The following ANAPC4 variants were observed in gnomAD, a reference collection of about 807,000 sequenced individuals.
The protein encoded by ANAPC4 is anaphase-promoting complex subunit 4.
In ANAPC4, 63 loss-of-function variants were observed where a neutral mutation model predicts 119.8. The ratio of observed to expected loss-of-function variants is 0.53; its 90% confidence interval spans 0.43 to 0.65. The LOEUF (loss-of-function observed/expected upper bound fraction) is 0.65. ANAPC4 is among the 30% of genes least tolerant of loss of function. ANAPC4 has a pLI of 0.00. For missense variants in ANAPC4, 716 were observed against 945.1 expected, an observed-to-expected ratio of 0.76 and a Z score of 3.18; for synonymous variants, 283 against 318.6, an observed-to-expected ratio of 0.89 and a Z score of 1.19.
intron 27 of ANAPC4, 84 bp from the exon 28 acceptor site, chr4:25,417,532 A>G (rs184157063): frequency 7.4e-7 from 1 of 1,358,804 alleles, no homozygotes; most frequent in Non-Finnish European, 9.7e-7. Flanking sequence ...TCAAAACCAT[A>G]ATTGACCCTA....
At chr4:25,383,224 T>TA in intron 3 of ANAPC4, 37 bp from the exon 4 acceptor site, 1 of 1,530,570 alleles carries the variant, frequency 6.5e-7, no homozygotes, top group Middle Eastern at 1.7e-4. Flanking sequence ...TCTCAATTGT[T>TA]ACACTAATTT....
chr4:25,394,232 T>C (rs1429030781), intron 11 of ANAPC4, 78 bp from the exon 12 acceptor site: 2 of 1,175,088 alleles, frequency 1.7e-6, no homozygotes, highest in East Asian at 2.6e-5. Context: ...AAGGGAGTCA[T>C]GCTCCTATAA....
In ANAPC4 at chr4:25,406,862, T is replaced by C; in HGVS notation, c.1351T>C (p.Phe451Leu). 1.9e-6 allele frequency: 3 copies of C among 1,604,264 alleles called. No individual in the cohort carries two copies. Among genetic ancestry groups the C allele is most frequent in the Non-Finnish European group, 2.6e-6 (3 of 1,176,388 alleles). ...GAAAGATATCACATTTGTTGCTGAA[T>C]TTCTTACTGAACATTTCAATGAGGT... Reference protein sequence around the residue: ...TQKDITFVAEFLTEHFNEAPD... With the variant: ...TQKDITFVAELLTEHFNEAPD... Residue 451 changes from phenylalanine to leucine, a missense_variant, in exon 19 of 29, where the codon TTT becomes CTT. Phe to Leu is a conservative substitution (Grantham distance 22). This residue lies in a region of ANAPC4 where 504 missense variants were observed against 615.8 expected (regional missense o/e 0.82). Coordinates refer to ENST00000315368, the MANE Select transcript of ANAPC4 (RefSeq NM_013367.3).
intron 20 of ANAPC4, among the ~76,000 whole-genome samples, 187 bp downstream of exon 20, chr4:25,407,440 A>G (rs1229535939): frequency 6.6e-6 from 1 of 152,142 alleles, no homozygotes. Flanking sequence ...ATTGAGGACT[A>G]AAAATACAAA....
Position 25,406,930 on chromosome 4 carries a change from A to G in ANAPC4, c.1374+45A>G, listed in dbSNP as rs774177565. 4 of 1,395,916 alleles carry G rather than the reference A, an allele frequency of 2.9e-6. No homozygotes were observed. The South Asian group carries it at 3.8e-5, about 13-fold the overall frequency. The allele number at this position is 1,395,916 out of a possible 1,614,324, so 86.5% of individuals were successfully genotyped here. A position where few individuals can be genotyped will look rare whatever the true frequency, so the allele number is the denominator to read the frequency against. ...GTAATGCAGTTTAAAAAAAAATTAC[A>G]GTAAACCTGGATAATGACAAGACAT... is the stretch of plus-strand genomic sequence containing the variant. On this transcript the variant is annotated intron_variant, in intron 19 of 28. Coordinates refer to ENST00000315368, the MANE Select transcript of ANAPC4 (RefSeq NM_013367.3).
intron 4 of ANAPC4, among the ~76,000 whole-genome samples, chr4:25,383,695 A>C (rs1316249282): frequency 2.0e-5 from 3 of 152,234 alleles, no homozygotes; most frequent in African/African-American, 7.2e-5. Flanking sequence ...AGTTATGTTT[A>C]TATTATGCTA....
At chr4:25,414,264 G>A in intron 22 of ANAPC4, 60 bp from the exon 23 acceptor site, 1 of 1,205,848 alleles carries the variant, frequency 8.3e-7, no homozygotes, top group Non-Finnish European at 1.2e-6. Context: ...GTCACTTTCT[G>A]TAGAGTATCT....
At position 25,405,841 on chromosome 4, in the gene ANAPC4, T is replaced by C. The variant is rs1723222921; in HGVS notation, c.1317+222T>C. ...TTATGACTATCTAAATTTATAGTTT[T>C]CATGTTTGGATAAGGTTTTATAATA... is the stretch of plus-strand genomic sequence containing the variant. On this transcript the variant is annotated intron_variant, in intron 18 of 28. Coordinates refer to ENST00000315368, the MANE Select transcript of ANAPC4 (RefSeq NM_013367.3). The surrounding 1 kb of genome is among the most constrained non-coding windows in gnomAD (Gnocchi z 4.6). Among the ~76,000 whole-genome samples, 1 of 152,242 alleles carries C rather than the reference T, an allele frequency of 6.6e-6. No individual in the cohort carries two copies. The highest frequency in any genetic ancestry group is 6.5e-5 in the Admixed American group (1 of 15,284).
chr4:25,390,426 GT>G (rs768016403), intron 8 of ANAPC4, among the ~76,000 whole-genome samples: 6 of 151,272 alleles, frequency 4.0e-5, no homozygotes, highest in African/African-American at 4.9e-5. Context: ...AATTAGTCAA[GT>G]TTTTTTTTCT....
chr4:25,418,312 C>T lies in ANAPC4; in HGVS notation c.2357C>T (p.Ala786Val), dbSNP rs1346462953. ...GAGTCAGAGGCAGAGAACCAACAAG[C>T]TGGTGCTGCCGCTTTAGCTCCAGAG... ...LSESEAENQQ[A>V]GAAALAPEIV... The change falls in exon 29 of 29, where the codon GCT becomes GTT. Residue 786 changes from alanine (A) to valine (V), a missense_variant. Physicochemically the swap from Ala to Val is moderately conservative, Grantham distance 64. Transcript: ENST00000315368. 31 of 1,613,986 alleles carry T rather than the reference C, an allele frequency of 1.9e-5. No individual in the cohort carries two copies. Among genetic ancestry groups the T allele is most frequent in the Non-Finnish European group, 2.6e-5 (31 of 1,179,936 alleles).
chr4:25,399,860 G>A (rs978106357), intron 16 of ANAPC4, among the ~76,000 whole-genome samples: 8 of 152,184 alleles, frequency 5.3e-5, no homozygotes, highest in East Asian at 1.9e-4. Context: ...GAATGGGGAC[G>A]ATGAAGAACT....
chr4:25,414,269 GTATC>G, intron 22 of ANAPC4, 51 bp from the exon 23 acceptor site: 1 of 1,244,032 alleles, frequency 8.0e-7, no homozygotes, highest in South Asian at 1.5e-5. Context: ...TTTCTGTAGA[GTATC>G]TGTGTGCATA....
intron 4 of ANAPC4, among the ~76,000 whole-genome samples, chr4:25,386,287 A>G (rs981065833): frequency 2.6e-5 from 4 of 152,008 alleles, no homozygotes; most frequent in African/African-American, 9.7e-5. Context: ...ATTTCAGCTC[A>G]CTGTAGCCTC....
chr4:25,390,192 G>A lies in ANAPC4; in HGVS notation c.572G>A (p.Gly191Glu). 1 of 1,612,860 alleles carries A rather than the reference G, an allele frequency of 6.2e-7. No individual in the cohort carries two copies. Among genetic ancestry groups the A allele is most frequent in the Non-Finnish European group, 8.5e-7 (1 of 1,179,410 alleles). ...SSGFIELYAY[G>E]MFKIARVTGI... ...GGATTTATTGAGCTTTATGCTTATG[G>A]AATGTTTAAAATTGCTCGAGTCACA... The change falls in exon 8 of 29, where the codon GGA becomes GAA. Residue 191 changes from glycine (G) to glutamate (E), a missense_variant. Physicochemically the swap from Gly to Glu is moderately conservative, Grantham distance 98. Transcript: ENST00000315368.
chr4:25,406,604 A>T (rs893416994), intron 18 of ANAPC4, among the ~76,000 whole-genome samples: 27 of 152,222 alleles, frequency 1.8e-4, no homozygotes, highest in African/African-American at 6.5e-4. Flanking sequence ...TAGCTATTGG[A>T]TTAACTGATT....
intron 11 of ANAPC4, 43 bp downstream of exon 11, chr4:25,393,934 A>C (rs1339253886): frequency 1.4e-6 from 2 of 1,451,478 alleles, no homozygotes; most frequent in East Asian, 2.3e-5. Flanking sequence ...TAAAGAATGC[A>C]TGATGTATGT....
intron 3 of ANAPC4, among the ~76,000 whole-genome samples, chr4:25,380,784 G>C (rs936415210): frequency 6.6e-6 from 1 of 152,186 alleles, no homozygotes; most frequent in Non-Finnish European, 1.5e-5. Context: ...ATCTTGTCCT[G>C]TATTATTTGG....
At chr4:25,387,672 TA>T (rs1722113751) in intron 4 of ANAPC4, among the ~76,000 whole-genome samples, 1 of 125,028 alleles carries the variant, frequency 8.0e-6, no homozygotes, top group African/African-American at 2.5e-5. Flanking sequence ...AAATACTTGC[TA>T]AATCACCACT....
intron 21 of ANAPC4, among the ~76,000 whole-genome samples, chr4:25,410,620 T>G (rs1250156387): frequency 6.6e-6 from 1 of 152,172 alleles, no homozygotes; most frequent in African/African-American, 2.4e-5. Context: ...AGGTTTTAAC[T>G]AGACTGGCAG....
Sources: gnomAD v4.1 joint callset for allele counts (sites outside exome capture counted in the v4.1 genomes callset) on GRCh38, gnomAD v4.1.1 for gene constraint, gnomAD v4.1.1 regional missense constraint, Gnocchi (gnomAD v3.1) non-coding constraint, MANE v1.5 for transcripts, NCBI Gene and HGNC (gene_info 2026-07-23, HGNC 2026-07-21) for gene names.